The following ARHGEF1 variants were observed in gnomAD, a reference collection of about 807,000 sequenced individuals.
The protein encoded by ARHGEF1 is 115 kDa guanine nucleotide exchange factor.
In ARHGEF1, 40 loss-of-function variants were observed where a neutral mutation model predicts 119.7. That is an observed-to-expected ratio of 0.33 (90% CI 0.26 to 0.44). The LOEUF (loss-of-function observed/expected upper bound fraction) is 0.44, where lower values mean the gene tolerates loss of function less well. Among genes scored for constraint, ARHGEF1 ranks in the 20% least tolerant of loss-of-function variants. The pLI, the probability that ARHGEF1 is intolerant of heterozygous loss-of-function variation, is 1.00. For synonymous variants in ARHGEF1, 494 were observed against 521.0 expected, an observed-to-expected ratio of 0.95 and a Z score of 0.71; for missense variants, 976 against 1,268.3, an observed-to-expected ratio of 0.77 and a Z score of 3.50.
chr19:41,907,515 T>A, downstream of ARHGEF1: 2 of 1,045,596 alleles, frequency 1.9e-6, no homozygotes, highest in Non-Finnish European at 2.7e-6. Flanking sequence ...TGTGACTGTC[T>A]GGCGTTGACA....
At position 41,892,176 on chromosome 19, in the gene ARHGEF1, A is replaced by C. The variant is rs945329303; in HGVS notation, c.324+53A>C. The C allele has an allele frequency of 6.4e-7, 1 of 1,571,930 alleles. No homozygotes were observed. The highest frequency in any genetic ancestry group is 8.7e-7 in the Non-Finnish European group (1 of 1,146,434). ...CTGCAATCCCTGTTTGGGCCTGCAG[A>C]GTCACCATGCGGTCCCCAGCCTCTG... On this transcript the variant is annotated intron_variant, in intron 5 of 28. Transcript: ENST00000354532. The surrounding 1 kb of genome is among the most constrained non-coding windows in gnomAD (Gnocchi z 6.3).
chr19:41,898,647 CAA>C, intron 14 of ARHGEF1, 60 bp downstream of exon 14: 1 of 1,504,368 alleles, frequency 6.6e-7, no homozygotes, highest in Non-Finnish European at 8.9e-7. Context: ...CTGGCAAAGG[CAA>C]AGACAGGCGC....
At position 41,892,068 on chromosome 19, in the gene ARHGEF1, A is replaced by C; in HGVS notation, c.269A>C (p.Lys90Thr). The change falls in exon 5 of 29, where the codon AAG becomes ACG. Residue 90 changes from lysine to threonine, a missense_variant. This residue lies in a region of ARHGEF1 where 519 missense variants were observed against 580.9 expected (regional missense o/e 0.89). Coordinates refer to ENST00000354532, the MANE Select transcript of ARHGEF1 (RefSeq NM_004706.4). This position sits in a 1 kb window ranked among gnomAD's most constrained non-coding sequence, Gnocchi z 6.3. ...GACATGCTGGGCTCACTGGGCCCCA[A>C]GGAGGCCAAGAAGGCCTTCCTGGAC... ...HADMLGSLGP[K>T]EAKKAFLDFY... is the part of the protein sequence containing the mutation. The C allele has an allele frequency of 2.5e-6, 4 of 1,613,198 alleles. No individual in the cohort carries two copies. Among genetic ancestry groups the C allele is most frequent in the Non-Finnish European group, 3.4e-6 (4 of 1,179,410 alleles).
chr19:41,927,001 C>T (rs936130270), intron 1 of ARHGEF1, among the ~76,000 whole-genome samples: 2 of 151,160 alleles, frequency 1.3e-5, no homozygotes, highest in East Asian at 1.9e-4. Flanking sequence ...AGATAGATGC[C>T]GAGAAAGGAA....
chr19:41,917,427 G>A lies in ARHGEF1; in HGVS notation c.1866-5665G>A, dbSNP rs1033950096. ...AGCTGCGCCGGCCGCCTCGGGAGCC[G>A]CCTCGGGCCTCGCACCCCCACCACC... On this transcript the variant is annotated intron_variant, in intron 18 of 20. Coordinates refer to the ARHGEF1 transcript ENST00000599589. This position sits in a 1 kb window ranked among gnomAD's most constrained non-coding sequence, Gnocchi z 4.8. Among the ~76,000 whole-genome samples, 2 of 151,768 alleles carry A rather than the reference G, an allele frequency of 1.3e-5. No individual in the cohort carries two copies. The highest frequency in any genetic ancestry group is 2.9e-5 in the Non-Finnish European group (2 of 67,938).
In ARHGEF1 at chr19:41,895,502, G is replaced by T; in HGVS notation, c.1015+16G>T. ...CGGGAACCAGGTGAGAGTTTCCTGG[G>T]CCAGGGCTCCATGAGGCCCGGCGAT... On this transcript the variant is annotated intron_variant, in intron 12 of 28. Transcript: ENST00000354532. The T allele has an allele frequency of 6.3e-7, 1 of 1,580,726 alleles. No homozygotes were observed.
chr19:41,921,969 A>C (rs1482121598), upstream of ARHGEF1, among the ~76,000 whole-genome samples: 14 of 55,198 alleles, frequency 2.5e-4, no homozygotes, highest in South Asian at 6.8e-4. This position sits in a 1 kb window ranked among gnomAD's most constrained non-coding sequence, Gnocchi z 4.4. Context: ...CCCAACTCCC[A>C]CCCCTTCCCC....
At chr19:41,887,964 GCTGTT>G (rs1410155682) in intron 1 of ARHGEF1, 95 bp from the exon 2 acceptor site, 3 of 1,323,906 alleles carry the variant, frequency 2.3e-6, no homozygotes, top group Admixed American at 4.6e-5. Context: ...GATGGGGGAG[GCTGTT>G]TACTCACCTT....
Position 41,903,989 on chromosome 19 carries a change from T to TCACC in ARHGEF1, c.1918-44_1918-41dup. 3.9e-6 allele frequency: 3 copies of TCACC among 779,060 alleles called. No individual in the cohort carries two copies. The highest frequency in any genetic ancestry group is 6.3e-6 in the Non-Finnish European group (3 of 478,976). The allele number at this position is 779,060 out of a possible 1,614,324, so 48.3% of individuals were successfully genotyped here. A position where few individuals can be genotyped will look rare whatever the true frequency, so the allele number is the denominator to read the frequency against. On this transcript the variant is annotated intron_variant, in intron 20 of 28. Coordinates refer to ENST00000354532, the MANE Select transcript of ARHGEF1 (RefSeq NM_004706.4). The surrounding 1 kb of genome is among the most constrained non-coding windows in gnomAD (Gnocchi z 4.2). The stretch of plus-strand genomic sequence containing the variant: ...CCCTTCCCCTCCCCACCAACCCCAA[T>TCACC]CACCCCCTGCCAACCTGCACAAACC...
At chr19:41,908,143 GTC>G, downstream of ARHGEF1, 1 of 1,101,778 alleles carries the variant, frequency 9.1e-7, no homozygotes, top group Non-Finnish European at 1.2e-6. This position sits in a 1 kb window ranked among gnomAD's most constrained non-coding sequence, Gnocchi z 6.7. Flanking sequence ...CTGAGGGCTG[GTC>G]CTGGGCCTTG....
rs1555850033 is a variant in ARHGEF1 at position 41,905,771 on chromosome 19, C to T, written c.2348C>T (p.Pro783Leu). ...CTTCCTCCCCTCAGCACCCGAGAAC[C>T]CCTCCTCAGCAGCTCTGAGAACGGC... ...PRPSPSSTRE[P>L]LLSSSENGNG... Residue 783 changes from proline to leucine, a missense_variant, in exon 25 of 29, where the codon CCC becomes CTC. Physicochemically the swap from Pro to Leu is moderately conservative, Grantham distance 98. This residue lies in a region of ARHGEF1 where 171 missense variants were observed against 180.6 expected (regional missense o/e 0.95). Coordinates refer to ENST00000354532, the MANE Select transcript of ARHGEF1 (RefSeq NM_004706.4). This position sits in a 1 kb window ranked among gnomAD's most constrained non-coding sequence, Gnocchi z 6.4. 1 of 1,614,096 alleles carries T rather than the reference C, an allele frequency of 6.2e-7. No homozygotes were observed. Among genetic ancestry groups the T allele is most frequent in the Non-Finnish European group, 8.5e-7 (1 of 1,180,004 alleles).
chr19:41,915,673 CTGTCTCCA>C (rs1234787126), intron 18 of ARHGEF1, among the ~76,000 whole-genome samples: 3 of 152,158 alleles, frequency 2.0e-5, no homozygotes. Flanking sequence ...CTCTGTGTCT[CTGTCTCCA>C]TGTCTCCATC....
intron 14 of ARHGEF1, 127 bp downstream of exon 14, chr19:41,898,714 C>T (rs1227126863): frequency 8.1e-7 from 1 of 1,231,370 alleles, no homozygotes; most frequent in Non-Finnish European, 1.1e-6. Flanking sequence ...AAGGCAGCTT[C>T]AAATTCCCTC....
chr19:41,921,119 T>C (rs1486700277), upstream of ARHGEF1, among the ~76,000 whole-genome samples: 1 of 151,392 alleles, frequency 6.6e-6, no homozygotes, highest in Non-Finnish European at 1.5e-5. This position sits in a 1 kb window ranked among gnomAD's most constrained non-coding sequence, Gnocchi z 4.4. Context: ...CAAACAGCTC[T>C]GGGGGAGGGG....
At chr19:41,900,229 G>T (rs1241076912) in intron 14 of ARHGEF1, among the ~76,000 whole-genome samples, 1 of 152,156 alleles carries the variant, frequency 6.6e-6, no homozygotes, top group Non-Finnish European at 1.5e-5. Context: ...AGATACTCGA[G>T]AGAGTAAGCC....
intron 1 of ARHGEF1, among the ~76,000 whole-genome samples, chr19:41,926,031 G>A (rs2074868856): frequency 6.6e-6 from 1 of 152,022 alleles, no homozygotes; most frequent in Non-Finnish European, 1.5e-5. Context: ...AGAGGAGGAA[G>A]AGGTGAAGAA....
At chr19:41,899,109 C>T (rs559662938) in intron 14 of ARHGEF1, among the ~76,000 whole-genome samples, 1 of 152,298 alleles carries the variant, frequency 6.6e-6, no homozygotes, top group East Asian at 1.9e-4. Context: ...CCTCCCACCT[C>T]AGCCTCCCGA....
intron 18 of ARHGEF1, among the ~76,000 whole-genome samples, chr19:41,915,908 G>A (rs1327526187): frequency 6.6e-6 from 1 of 152,128 alleles, no homozygotes; most frequent in Non-Finnish European, 1.5e-5. Context: ...AGTGGCTGTG[G>A]ATGGGGAGCA....
intron 18 of ARHGEF1, among the ~76,000 whole-genome samples, chr19:41,918,054 T>A (rs1555852100): frequency 6.7e-6 from 1 of 150,026 alleles, no homozygotes; most frequent in African/African-American, 2.5e-5. Flanking sequence ...GAGGAGGGGG[T>A]TCAGGGGTGA....
Sources: gnomAD v4.1 joint callset for allele counts (sites outside exome capture counted in the v4.1 genomes callset) on GRCh38, gnomAD v4.1.1 for gene constraint, gnomAD v4.1.1 regional missense constraint, Gnocchi (gnomAD v3.1) non-coding constraint, MANE v1.5 for transcripts, NCBI Gene and HGNC (gene_info 2026-07-23, HGNC 2026-07-21) for gene names.